Variants in ZMAT4 observed in about 807,000 individuals in gnomAD.
ZMAT4 encodes the protein zinc finger matrin-type protein 4.
Under a neutral mutation model 28.7 loss-of-function variants are expected in ZMAT4, and 17 were observed. That is an observed-to-expected ratio of 0.59 (90% CI 0.41 to 0.89). The LOEUF is 0.89. ZMAT4 is among the 40% of genes least tolerant of loss of function. The probability of loss-of-function intolerance (pLI) is 0.00; values close to 1 mark genes in which losing one functional copy is unlikely to be tolerated. For synonymous variants in ZMAT4, 117 were observed against 109.2 expected, an observed-to-expected ratio of 1.07 and a Z score of -0.44; for missense variants, 240 against 283.8, an observed-to-expected ratio of 0.85 and a Z score of 1.11.
At chr8:40,713,601 T>C (rs575810288) in intron 3 of ZMAT4, among the ~76,000 whole-genome samples, 189 of 152,108 alleles carry the variant, frequency 1.2e-3, no homozygotes, top group African/African-American at 4.3e-3. Context: ...AAACTAAAAA[T>C]GGATAAAAAG....
chr8:40,872,435 AC>A lies in ZMAT4; in HGVS notation c.-5+25247del, dbSNP rs370773278. ...CCCTGTAGGCCTCGGGGGCCCCAGT[AC>A]CCCCCCCAACCCTGGAGAAGGAGAG... is the stretch of plus-strand genomic sequence containing the variant. On this transcript the variant is annotated intron_variant, in intron 1 of 6. Coordinates refer to ENST00000297737, the MANE Select transcript of ZMAT4 (RefSeq NM_024645.3). Among the ~76,000 whole-genome samples, 121 of 151,160 alleles carry A rather than the reference AC, an allele frequency of 8.0e-4. 2 individuals are homozygous for A. The highest frequency in any genetic ancestry group is 2.0e-3 in the African/African-American group (83 of 41,224).
chr8:40,868,863 A>C (rs1817760311), intron 1 of ZMAT4, among the ~76,000 whole-genome samples: 1 of 152,036 alleles, frequency 6.6e-6, no homozygotes, highest in South Asian at 2.1e-4. Flanking sequence ...CATACTGCAC[A>C]CCCCCGCCAG....
At chr8:40,827,665 C>A (rs1816117698) in intron 1 of ZMAT4, among the ~76,000 whole-genome samples, 1 of 152,184 alleles carries the variant, frequency 6.6e-6, no homozygotes, top group Non-Finnish European at 1.5e-5. Context: ...CCCCAGCAAG[C>A]AATAGTTATG....
chr8:40,699,709 T>G (rs1200734437), intron 3 of ZMAT4, among the ~76,000 whole-genome samples: 6 of 152,198 alleles, frequency 3.9e-5, no homozygotes, highest in African/African-American at 1.4e-4. Context: ...AAGTGAGTGT[T>G]TGAATTATAC....
At chr8:40,601,332 G>A (rs975139403) in intron 5 of ZMAT4, among the ~76,000 whole-genome samples, 2 of 147,702 alleles carry the variant, frequency 1.4e-5, no homozygotes, top group African/African-American at 5.0e-5. Context: ...GATTTATTTT[G>A]GTTTAAAAGG....
chr8:40,637,180 C>T (rs1223787630), intron 5 of ZMAT4, among the ~76,000 whole-genome samples: 2 of 151,844 alleles, frequency 1.3e-5, no homozygotes, highest in African/African-American at 4.8e-5. Context: ...CCACATTTCT[C>T]AGTCAAATTG....
At chr8:40,553,575 G>A (rs146856615) in intron 6 of ZMAT4, among the ~76,000 whole-genome samples, 40 of 152,186 alleles carry the variant, frequency 2.6e-4, no homozygotes, top group African/African-American at 6.3e-4. Flanking sequence ...CAAAATAGTC[G>A]CACCTGGCAT....
At chr8:40,593,854 T>C (rs552384933) in intron 5 of ZMAT4, among the ~76,000 whole-genome samples, 4 of 152,324 alleles carry the variant, frequency 2.6e-5, no homozygotes, top group African/African-American at 9.6e-5. Flanking sequence ...CTTCTAGCTC[T>C]TAGATCTTCA....
chr8:40,587,270 C>T (rs1400809949), intron 5 of ZMAT4, among the ~76,000 whole-genome samples: 1 of 151,958 alleles, frequency 6.6e-6, no homozygotes, highest in Non-Finnish European at 1.5e-5. Flanking sequence ...TACAGAAATG[C>T]TATATAGAGG....
intron 2 of ZMAT4, among the ~76,000 whole-genome samples, chr8:40,789,017 A>AAGGG (rs1420756018): frequency 2.8e-5 from 3 of 106,552 alleles, no homozygotes; most frequent in Non-Finnish European, 5.6e-5. Flanking sequence ...GGAAAAGAGG[A>AAGGG]AGGGAGGGAG....
At chr8:40,883,892 G>T (rs889404045) in intron 1 of ZMAT4, among the ~76,000 whole-genome samples, 10 of 152,098 alleles carry the variant, frequency 6.6e-5, no homozygotes, top group African/African-American at 2.4e-4. Context: ...TGAGGATCTC[G>T]ATCCATGCCC....
chr8:40,601,585 A>G (rs1164511233), intron 5 of ZMAT4, among the ~76,000 whole-genome samples: 1 of 7,506 alleles, frequency 1.3e-4, no homozygotes, highest in Admixed American at 1.6e-3. Flanking sequence ...AAAGAAAGAA[A>G]GAAAGAAAGA....
chr8:40,691,843 G>A (rs1809679641), intron 4 of ZMAT4, among the ~76,000 whole-genome samples: 1 of 152,114 alleles, frequency 6.6e-6, no homozygotes, highest in Admixed American at 6.6e-5. Flanking sequence ...ATGGATATAA[G>A]CAGAATTTAA....
At chr8:40,883,408 T>C (rs1010399532) in intron 1 of ZMAT4, among the ~76,000 whole-genome samples, 3 of 152,190 alleles carry the variant, frequency 2.0e-5, no homozygotes, top group African/African-American at 7.2e-5. Context: ...CCGGACTACC[T>C]GGAATGTCGA....
intron 1 of ZMAT4, among the ~76,000 whole-genome samples, chr8:40,854,974 T>C (rs752695599): frequency 6.6e-6 from 1 of 152,132 alleles, no homozygotes; most frequent in Non-Finnish European, 1.5e-5. Flanking sequence ...ATTGATTTAA[T>C]GAAAGATCAA....
intron 5 of ZMAT4, among the ~76,000 whole-genome samples, chr8:40,601,468 G>GGAA (rs1563359956): frequency 5.0e-5 from 1 of 19,972 alleles, no homozygotes; most frequent in African/African-American, 1.8e-4. Flanking sequence ...GAGGAAGAAA[G>GGAA]GAAAGAAAGA....
chr8:40,798,208 C>A (rs1814676243), intron 2 of ZMAT4, among the ~76,000 whole-genome samples: 1 of 152,172 alleles, frequency 6.6e-6, no homozygotes, highest in Admixed American at 6.5e-5. Context: ...CACACACAAA[C>A]CAGAGCAGAT....
At chr8:40,819,172 G>A (rs1292910764) in intron 2 of ZMAT4, among the ~76,000 whole-genome samples, 1 of 152,084 alleles carries the variant, frequency 6.6e-6, no homozygotes, top group African/African-American at 2.4e-5. Flanking sequence ...CAATATGCCT[G>A]CTGCTACCAT....
chr8:40,730,640 A>T (rs1008138916), intron 3 of ZMAT4, among the ~76,000 whole-genome samples: 2 of 152,104 alleles, frequency 1.3e-5, no homozygotes, highest in African/African-American at 4.8e-5. Flanking sequence ...TCTGAGTGGG[A>T]TTGACATAGC....
Sources: gnomAD v4.1 joint callset for allele counts (sites outside exome capture counted in the v4.1 genomes callset) on GRCh38, gnomAD v4.1.1 for gene constraint, MANE v1.5 for transcripts, NCBI Gene and HGNC (gene_info 2026-07-23, HGNC 2026-07-21) for gene names.